RNF150: variants seen among roughly 807,000 people sequenced by gnomAD.
The protein encoded by RNF150 is ring finger protein 150.
In RNF150, 24 loss-of-function variants were observed where a neutral mutation model predicts 39.3. That is an observed-to-expected ratio of 0.61 (90% CI 0.44 to 0.86). The LOEUF is 0.86. Among genes scored for constraint, RNF150 ranks in the 40% least tolerant of loss-of-function variants. The probability of loss-of-function intolerance (pLI) is 0.00; values close to 1 mark genes in which losing one functional copy is unlikely to be tolerated. For missense variants in RNF150, 502 were observed against 587.8 expected (o/e 0.85, Z 1.51); for synonymous variants, 255 against 227.3 (o/e 1.12, Z -1.10).
chr4:141,118,451 G>A (rs143718534), intron 1 of RNF150, among the ~76,000 whole-genome samples: 57 of 152,224 alleles, frequency 3.7e-4, no homozygotes, highest in African/African-American at 1.1e-3. Flanking sequence ...TGCTATTAAC[G>A]GAAGGGTAGT....
At chr4:140,889,098 G>T (rs568038461) in intron 6 of RNF150, among the ~76,000 whole-genome samples, 1 of 152,008 alleles carries the variant, frequency 6.6e-6, no homozygotes, top group South Asian at 2.1e-4. Context: ...GCCCAGGGTG[G>T]TCTGAAACTC....
At chr4:141,022,744 C>T (rs1393590695) in intron 1 of RNF150, among the ~76,000 whole-genome samples, 1 of 152,164 alleles carries the variant, frequency 6.6e-6, no homozygotes, top group African/African-American at 2.4e-5. Flanking sequence ...ATTTTTATTA[C>T]ATTTTTGAAA....
intron 2 of RNF150, among the ~76,000 whole-genome samples, chr4:140,961,429 C>T (rs746424932): frequency 6.6e-6 from 1 of 152,058 alleles, no homozygotes; most frequent in Non-Finnish European, 1.5e-5. Context: ...CTGGATACTT[C>T]GACAATGTAA....
At position 140,860,826 on chromosome 4, in the gene RNF150, T is replaced by C. The variant is rs1330023677; in HGVS notation, c.*7435A>G. 1 of 152,210 alleles carries C rather than the reference T, an allele frequency of 6.6e-6. No homozygotes were observed. The highest frequency in any genetic ancestry group is 2.4e-5 in the African/African-American group (1 of 41,462). 9.4% of individuals were successfully genotyped at this position (152,210 alleles called of 1,614,324 possible). On this transcript the variant is annotated 3_prime_UTR_variant, in exon 7 of 7. Coordinates refer to ENST00000515673, the MANE Select transcript of RNF150 (RefSeq NM_020724.2). ...TTTTTCACATTTTTGCAACTGGCAA[T>C]TGCTGGTTATTGTCTGCAGTCTACA...
At chr4:141,048,128 A>G (rs996646976) in intron 1 of RNF150, among the ~76,000 whole-genome samples, 4 of 152,220 alleles carry the variant, frequency 2.6e-5, no homozygotes, top group Admixed American at 2.0e-4. Context: ...GGGCACTTTC[A>G]TCCATGTCAT....
chr4:140,958,663 C>T (rs1482336069), intron 2 of RNF150, among the ~76,000 whole-genome samples: 1 of 152,118 alleles, frequency 6.6e-6, no homozygotes, highest in African/African-American at 2.4e-5. Context: ...GTTCCCATGA[C>T]TGTGGTTTCC....
intron 2 of RNF150, among the ~76,000 whole-genome samples, chr4:140,955,016 T>C (rs1732696394): frequency 6.6e-6 from 1 of 152,186 alleles, no homozygotes; most frequent in South Asian, 2.1e-4. Context: ...CTAAGTGTTC[T>C]TAAGTTCTAG....
chr4:140,970,764 A>G (rs1296163360), intron 1 of RNF150, among the ~76,000 whole-genome samples: 1 of 152,112 alleles, frequency 6.6e-6, no homozygotes, highest in Non-Finnish European at 1.5e-5. Flanking sequence ...TTGTGCCCTC[A>G]TGACATATAA....
intron 1 of RNF150, among the ~76,000 whole-genome samples, chr4:140,983,739 CT>C (rs35565844): frequency 0.023 from 3,031 of 129,634 alleles, 63 homozygotes; most frequent in African/African-American, 0.061. Context: ...GTATAACTGC[CT>C]TTTTTTTTTT....
chr4:140,971,650 G>A (rs1271720144), intron 1 of RNF150, among the ~76,000 whole-genome samples: 4 of 152,056 alleles, frequency 2.6e-5, no homozygotes, highest in African/African-American at 9.7e-5. Flanking sequence ...CAGCAGAGGA[G>A]CATCCTGTAT....
In RNF150 at chr4:140,976,674, C is replaced by G. The variant is rs571745454; in HGVS notation, c.485-8801G>C. ...CCTCTACTTTCTATCCATCAACCCT[C>G]TCCTGGCCTCCCTTCTCTCCCTACC... On this transcript the variant is annotated intron_variant, in intron 1 of 6. Transcript: ENST00000515673. Among the ~76,000 whole-genome samples, 7 of 152,066 alleles carry G rather than the reference C, an allele frequency of 4.6e-5. No homozygotes were observed. In the East Asian group the frequency reaches 1.4e-3, roughly 30 times the overall value.
intron 6 of RNF150, among the ~76,000 whole-genome samples, chr4:140,883,752 C>T (rs1729460437): frequency 6.6e-6 from 1 of 152,126 alleles, no homozygotes; most frequent in African/African-American, 2.4e-5. Flanking sequence ...TAATGTGTCT[C>T]AGTGTAGACC....
chr4:140,923,716 C>G (rs1163061801), intron 5 of RNF150, among the ~76,000 whole-genome samples: 2 of 152,168 alleles, frequency 1.3e-5, no homozygotes, highest in Admixed American at 1.3e-4. Context: ...GATTTGGAAC[C>G]AACCCAAATG....
rs1023016052 is a variant in RNF150 at position 141,199,723 on chromosome 4, G to A, written c.-6+13071C>T. ...GCACAATGGGGATTTTCAGATTGACGGACTGTTCTGTATTACAATTATAAT... is the reference window on the plus strand; with the variant it reads ...GCACAATGGGGATTTTCAGATTGACAGACTGTTCTGTATTACAATTATAAT... On this transcript the variant is annotated intron_variant, in intron 1 of 7. Coordinates refer to the RNF150 transcript ENST00000420921. Among the ~76,000 whole-genome samples the A allele has an allele frequency of 1.4e-4, 22 of 152,062 alleles. 1 individual carries two copies. Among genetic ancestry groups the A allele is most frequent in the Admixed American group, 5.2e-4 (8 of 15,262 alleles).
intron 1 of RNF150, among the ~76,000 whole-genome samples, chr4:141,150,857 C>T (rs952951874): frequency 9.9e-5 from 15 of 152,148 alleles, no homozygotes; most frequent in Admixed American, 6.5e-5. Flanking sequence ...ATGAACAATT[C>T]TGAAATGAAT....
At chr4:141,108,452 T>C (rs1578738421) in intron 1 of RNF150, among the ~76,000 whole-genome samples, 1 of 152,224 alleles carries the variant, frequency 6.6e-6, no homozygotes, top group East Asian at 1.9e-4. Flanking sequence ...GCACTTCCCA[T>C]GTGCCAAGTT....
intron 1 of RNF150, among the ~76,000 whole-genome samples, chr4:141,019,180 A>G (rs1425343196): frequency 1.3e-5 from 2 of 151,310 alleles, no homozygotes; most frequent in Non-Finnish European, 2.9e-5. Flanking sequence ...TATAGACTAC[A>G]TTAACATTTT....
intron 6 of RNF150, among the ~76,000 whole-genome samples, chr4:140,889,443 T>C (rs1032507083): frequency 6.6e-6 from 1 of 152,312 alleles, no homozygotes; most frequent in South Asian, 2.1e-4. Context: ...AACCAAGTCA[T>C]TACTTTATGT....
intron 2 of RNF150, among the ~76,000 whole-genome samples, chr4:140,964,171 T>C (rs1331144922): frequency 6.6e-6 from 1 of 152,112 alleles, no homozygotes; most frequent in Non-Finnish European, 1.5e-5. Context: ...GCAACACTAA[T>C]ATAAATAATC....
Sources: gnomAD v4.1 joint callset for allele counts (sites outside exome capture counted in the v4.1 genomes callset) on GRCh38, gnomAD v4.1.1 for gene constraint, MANE v1.5 for transcripts, NCBI Gene and HGNC (gene_info 2026-07-23, HGNC 2026-07-21) for gene names.